Variants in FAM135B observed in about 807,000 individuals in gnomAD.
The protein encoded by FAM135B is protein FAM135B.
FAM135B carries 43 observed loss-of-function variants against 127.7 expected under a neutral mutation model. The ratio of observed to expected loss-of-function variants is 0.34; its 90% confidence interval spans 0.26 to 0.43. FAM135B has a LOEUF of 0.43. Ranked by LOEUF, FAM135B falls within the 20% of genes least tolerant of loss-of-function variation. The probability of loss-of-function intolerance (pLI) is 1.00; values close to 1 mark genes in which losing one functional copy is unlikely to be tolerated. For missense variants in FAM135B, 1,558 were observed against 1,725.6 expected (o/e 0.90, Z 1.72); for synonymous variants, 670 against 665.1 (o/e 1.01, Z -0.11).
chr8:138,142,723 C>A, intron 16 of FAM135B: 1 of 302,538 alleles, frequency 3.3e-6, no homozygotes, highest in East Asian at 6.8e-5. Flanking sequence ...AAGATTCCAA[C>A]TTGTGAGTGT....
rs1360462712 is a variant in FAM135B at position 138,132,454 on chromosome 8, A to G, written c.*139T>C. The G allele has an allele frequency of 8.6e-6, 6 of 695,902 alleles. No homozygotes were observed. Among genetic ancestry groups the G allele is most frequent in the Non-Finnish European group, 1.2e-5 (5 of 401,110 alleles). 43.1% of individuals were successfully genotyped at this position (695,902 alleles called of 1,614,324 possible). ...AATCTCCAAAACAAAAGCACCTCTC[A>G]TGTCAGGTTCCACCCGAGCCTCCGT... On this transcript the variant is annotated 3_prime_UTR_variant, in exon 20 of 20. Transcript: ENST00000395297. The surrounding 1 kb of genome is among the most constrained non-coding windows in gnomAD (Gnocchi z 4.5).
chr8:138,240,942 A>C (rs567582761), intron 7 of FAM135B, among the ~76,000 whole-genome samples: 1 of 152,184 alleles, frequency 6.6e-6, no homozygotes, highest in East Asian at 1.9e-4. Flanking sequence ...TGGAAAACAG[A>C]GTTTGAGTGG....
At chr8:138,495,213 C>T (rs1487062579) in intron 1 of FAM135B, among the ~76,000 whole-genome samples, 1 of 152,196 alleles carries the variant, frequency 6.6e-6, no homozygotes, top group Non-Finnish European at 1.5e-5. Flanking sequence ...TGTGATTGAG[C>T]CTGGTAAACT....
intron 1 of FAM135B, among the ~76,000 whole-genome samples, chr8:138,370,739 C>T (rs59056477): frequency 0.023 from 3,509 of 152,260 alleles, 59 homozygotes; most frequent in East Asian, 0.11. Flanking sequence ...CATGAACCAC[C>T]ATGCTCTGCC....
At chr8:138,420,897 G>C (rs1834459718) in intron 1 of FAM135B, among the ~76,000 whole-genome samples, 1 of 152,140 alleles carries the variant, frequency 6.6e-6, no homozygotes, top group South Asian at 2.1e-4. Flanking sequence ...ATTCTGAATG[G>C]GCAAAAGCTG....
rs558316013 is a variant in FAM135B, at chr8:138,491,977, G to A, written c.-20+4694C>T. ...AAGGTGGTGAGCCGGGTTGGAACAG[G>A]GGCTGAATGTCGTGTAGGTTGCAGG... On this transcript the variant is annotated intron_variant, in intron 1 of 19. Transcript: ENST00000395297. Among the ~76,000 whole-genome samples, 85 of 152,294 alleles carry A rather than the reference G, an allele frequency of 5.6e-4. No individual in the cohort carries two copies. The South Asian group carries it at 0.013, about 23-fold the overall frequency.
chr8:138,304,542 T>G (rs1247515039), intron 3 of FAM135B, among the ~76,000 whole-genome samples: 1 of 152,180 alleles, frequency 6.6e-6, no homozygotes, highest in African/African-American at 2.4e-5. Flanking sequence ...GCTGCATGCA[T>G]TCTTTCTATA....
intron 13 of FAM135B, 49 bp from the exon 14 acceptor site, chr8:138,148,735 G>T: frequency 7.0e-7 from 1 of 1,437,868 alleles, no homozygotes. Flanking sequence ...ACTTCATGTT[G>T]AACAGGAAAT....
At chr8:138,178,824 T>C (rs1429392059) in intron 9 of FAM135B, 134 bp from the exon 10 acceptor site, 3 of 685,928 alleles carry the variant, frequency 4.4e-6, no homozygotes, top group South Asian at 2.0e-5. Context: ...TGTAGTATTA[T>C]ATATTACAAC....
chr8:138,130,173 A>G lies in FAM135B; in HGVS notation c.*2420T>C, dbSNP rs1316971809. ...TTATAATTTTTACAATCAATAATAG[A>G]ATGTCCCTGTTTTACATAATATATA... On this transcript the variant is annotated 3_prime_UTR_variant, in exon 20 of 20. Transcript: ENST00000395297. The G allele has an allele frequency of 6.6e-6, 1 of 150,654 alleles. No individual in the cohort carries two copies. The highest frequency in any genetic ancestry group is 2.4e-5 in the African/African-American group (1 of 41,182). 9.3% of individuals were successfully genotyped at this position (150,654 alleles called of 1,614,324 possible).
chr8:138,147,722 A>C (rs971321896), intron 14 of FAM135B, among the ~76,000 whole-genome samples: 8 of 152,164 alleles, frequency 5.3e-5, no homozygotes. Flanking sequence ...CTGACAGTAC[A>C]AAAGGGGTGA....
intron 3 of FAM135B, among the ~76,000 whole-genome samples, chr8:138,273,378 G>A (rs1286427828): frequency 6.6e-6 from 1 of 152,094 alleles, no homozygotes; most frequent in Non-Finnish European, 1.5e-5. Flanking sequence ...GCTAATTTTT[G>A]TATTTTTAGT....
intron 1 of FAM135B, among the ~76,000 whole-genome samples, chr8:138,401,022 G>A (rs1057139684): frequency 6.6e-6 from 1 of 152,132 alleles, no homozygotes; most frequent in African/African-American, 2.4e-5. Context: ...GGATTCAAAG[G>A]GAGAGGCTTA....
In FAM135B at chr8:138,177,492, T is replaced by C. The variant is rs538627366; in HGVS notation, c.1030-72A>G. 45 of 1,313,296 alleles carry C rather than the reference T, an allele frequency of 3.4e-5. No homozygotes were observed. The South Asian group carries it at 5.3e-4, about 15-fold the overall frequency. The allele number at this position is 1,313,296 out of a possible 1,614,324, so 81.4% of individuals were successfully genotyped here. On this transcript the variant is annotated intron_variant, in intron 10 of 19. Coordinates refer to ENST00000395297, the MANE Select transcript of FAM135B (RefSeq NM_015912.4). ...TACCTGCACTTTCTTTTTTTTTAAT[T>C]GAGGCTCAAAAAGATGAATGATATT...
At chr8:138,265,190 T>G (rs1822819642) in intron 4 of FAM135B, among the ~76,000 whole-genome samples, 1 of 152,224 alleles carries the variant, frequency 6.6e-6, no homozygotes, top group African/African-American at 2.4e-5. Flanking sequence ...CTCTTTTGTG[T>G]AAGCCTTGAT....
chr8:138,460,843 C>A (rs953840775), intron 1 of FAM135B, among the ~76,000 whole-genome samples: 1 of 152,108 alleles, frequency 6.6e-6, no homozygotes, highest in Admixed American at 6.6e-5. Flanking sequence ...GACAACAAGG[C>A]AATAGCTAAG....
chr8:138,475,555 A>T (rs1175461412), intron 1 of FAM135B, among the ~76,000 whole-genome samples: 1 of 152,182 alleles, frequency 6.6e-6, no homozygotes, highest in East Asian at 1.9e-4. Flanking sequence ...GTCAGCCAAG[A>T]TTCAACACCC....
intron 10 of FAM135B, among the ~76,000 whole-genome samples, chr8:138,177,862 A>G (rs1387627299): frequency 4.6e-5 from 7 of 152,238 alleles, no homozygotes; most frequent in Non-Finnish European, 7.3e-5. Context: ...TGATCTAAAT[A>G]CCAGCATATT....
Position 138,152,026 on chromosome 8 carries a change from C to T in FAM135B, c.2449G>A (p.Gly817Ser), listed in dbSNP as rs1449614480. 6.2e-7 allele frequency: 1 copy of T among 1,613,952 alleles called. No homozygotes were observed. The highest frequency in any genetic ancestry group is 1.3e-5 in the African/African-American group (1 of 74,900). ...GSPGSCSQLCGDSGTDAGADH... is the reference protein window; with the variant it reads ...GSPGSCSQLCSDSGTDAGADH... ...GCTCCAGCATCTGTTCCAGAGTCAC[C>T]ACAAAGTTGAGAGCAAGATCCTGGG... The change falls in exon 13 of 20, where the codon GGT becomes AGT. Residue 817 changes from glycine to serine, a missense_variant. By Grantham distance (56) the Gly-to-Ser change is moderately conservative (BLOSUM62 0). Transcript: ENST00000395297.
Sources: allele counts gnomAD v4.1 joint callset (sites outside exome capture counted in the v4.1 genomes callset), GRCh38; gene constraint gnomAD v4.1.1; non-coding constraint Gnocchi (gnomAD v3.1); transcripts MANE v1.5; gene names NCBI Gene and HGNC (gene_info 2026-07-23, HGNC 2026-07-21).